The following CMPK2 variants were observed in gnomAD, a reference collection of about 807,000 sequenced individuals.
CMPK2 encodes the protein cytidine/uridine monophosphate kinase 2, also known as UMP-CMP kinase 2, mitochondrial.
A neutral mutation model predicts 33.4 loss-of-function variants in CMPK2; 32 were observed. The observed-to-expected ratio is 0.96, with a 90% CI of 0.72 to 1.29. The LOEUF (loss-of-function observed/expected upper bound fraction) is 1.29. Among genes scored for constraint, CMPK2 ranks in the 50% most tolerant of loss-of-function variants. CMPK2 has a pLI of 0.00. For missense variants in CMPK2, 672 were observed against 616.0 expected (o/e 1.09, Z -0.96); for synonymous variants, 299 against 275.3 (o/e 1.09, Z -0.85).
In CMPK2 at chr2:6,849,390, T is replaced by C. The variant is rs890252591; in HGVS notation, c.*460A>G. The C allele has an allele frequency of 1.0e-6, 1 of 988,368 alleles. No homozygotes were observed. The highest frequency in any genetic ancestry group is 1.2e-6 in the Non-Finnish European group (1 of 832,114). The allele number at this position is 988,368 out of a possible 1,614,324, so 61.2% of individuals were successfully genotyped here. A position where few individuals can be genotyped will look rare whatever the true frequency, so the allele number is the denominator to read the frequency against. On this transcript the variant is annotated 3_prime_UTR_variant, in exon 5 of 5. Transcript: ENST00000256722. The stretch of plus-strand genomic sequence containing the variant: ...TGAGGGAGATGCAGCGAGCCCATCA[T>C]GACGAGTGCAACCAGATGTGGAAGA...
chr2:6,854,487 G>A (rs1336626552), intron 3 of CMPK2, among the ~76,000 whole-genome samples: 2 of 152,162 alleles, frequency 1.3e-5, no homozygotes, highest in Non-Finnish European at 2.9e-5. Flanking sequence ...CTGACAAGGT[G>A]ATACAGCATT....
At chr2:6,851,978 G>C (rs1400418258) in intron 3 of CMPK2, among the ~76,000 whole-genome samples, 1 of 152,172 alleles carries the variant, frequency 6.6e-6, no homozygotes, top group African/African-American at 2.4e-5. Context: ...TGGTCCTGCT[G>C]TCCGCATTCC....
downstream of CMPK2, among the ~76,000 whole-genome samples, chr2:6,846,068 G>A (rs144661318): frequency 1.4e-3 from 217 of 152,310 alleles, 1 homozygote; most frequent in African/African-American, 5.1e-3. Context: ...GCAGAGGGAT[G>A]ATAAGGCTCC....
downstream of CMPK2, among the ~76,000 whole-genome samples, chr2:6,845,930 G>A (rs1662348848): frequency 6.6e-6 from 1 of 152,040 alleles, no homozygotes; most frequent in Admixed American, 6.5e-5. Context: ...TGTCTTATCA[G>A]GATGGCTACC....
rs368661424 is a variant in CMPK2, at chr2:6,848,960, G to A, written c.*890C>T. On this transcript the variant is annotated 3_prime_UTR_variant, in exon 5 of 5. Transcript: ENST00000256722. ...ATACACAACAAACATTGCATTTAGC[G>A]TTTTGACTCCACTTTTAATTAATGA... The A allele has an allele frequency of 1.3e-4, 126 of 985,700 alleles. No homozygotes were observed. The East Asian group carries it at 1.9e-3, about 15-fold the overall frequency. The allele number at this position is 985,700 out of a possible 1,614,324, so 61.1% of individuals were successfully genotyped here. A position where few individuals can be genotyped will look rare whatever the true frequency, so the allele number is the denominator to read the frequency against.
intron 3 of CMPK2, among the ~76,000 whole-genome samples, chr2:6,856,975 G>A (rs1281021296): frequency 6.6e-6 from 1 of 152,218 alleles, no homozygotes; most frequent in Non-Finnish European, 1.5e-5. Context: ...ACTTTTGTGA[G>A]TGTTTCTTCA....
Position 6,865,032 on chromosome 2 carries a change from ACGGCCCGGGCGGCTTCC to A in CMPK2, c.648_664del (p.Glu217PhefsTer10). 1 of 1,427,566 alleles carries A rather than the reference ACGGCCCGGGCGGCTTCC, an allele frequency of 7.0e-7. No individual in the cohort carries two copies. Among genetic ancestry groups the A allele is most frequent in the South Asian group, 1.5e-5 (1 of 65,900 alleles). The allele number at this position is 1,427,566 out of a possible 1,614,324, so 88.4% of individuals were successfully genotyped here. On this transcript the variant is annotated frameshift_variant, in exon 1 of 5. Transcript: ENST00000256722. LOFTEE classifies it high-confidence loss of function. ...GGACAGAACTCTTACCTCCTCCAAA[ACGGCCCGGGCGGCTTCC>A]CGGTCCGGGAAGACCACGGAACTGG...
Position 6,865,561 on chromosome 2 carries a change from C to A in CMPK2, c.136G>T (p.Ala46Ser). Residue 46 changes from alanine to serine, a missense_variant, in exon 1 of 5, where the codon GCC becomes TCC. Physicochemically the swap from Ala to Ser is moderately conservative, Grantham distance 99. Coordinates refer to ENST00000256722, the MANE Select transcript of CMPK2 (RefSeq NM_207315.4). ...ELPDCTLAHF[A>S]LGADAPGDAD... is the part of the protein sequence containing the mutation. ...TCGCCGGGGGCGTCGGCGCCTAGGG[C>A]GAAGTGAGCCAGGGTGCAGTCGGGA... is the stretch of plus-strand genomic sequence containing the variant. 7.4e-7 allele frequency: 1 copy of A among 1,344,738 alleles called. No individual in the cohort carries two copies. Among genetic ancestry groups the A allele is most frequent in the Non-Finnish European group, 9.5e-7 (1 of 1,049,244 alleles). 83.3% of individuals were successfully genotyped at this position (1,344,738 alleles called of 1,614,324 possible). A position where few individuals can be genotyped will look rare whatever the true frequency, so the allele number is the denominator to read the frequency against.
chr2:6,849,375 G>T lies in CMPK2; in HGVS notation c.*475C>A. On this transcript the variant is annotated 3_prime_UTR_variant, in exon 5 of 5. Transcript: ENST00000256722. ...TCTAGAATTTGGGACTGAGGGAGAT[G>T]CAGCGAGCCCATCATGACGAGTGCA... 2.0e-6 allele frequency: 2 copies of T among 986,766 alleles called. No individual in the cohort carries two copies. Among genetic ancestry groups the T allele is most frequent in the Non-Finnish European group, 2.4e-6 (2 of 830,914 alleles). 61.1% of individuals were successfully genotyped at this position (986,766 alleles called of 1,614,324 possible).
Position 6,865,481 on chromosome 2 carries a change from G to T in CMPK2, c.216C>A (p.Ser72Arg). 1 of 1,271,446 alleles carries T rather than the reference G, an allele frequency of 7.9e-7. No homozygotes were observed. Among genetic ancestry groups the T allele is most frequent in the Non-Finnish European group, 9.9e-7 (1 of 1,013,608 alleles). The allele number at this position is 1,271,446 out of a possible 1,614,324, so 78.8% of individuals were successfully genotyped here. ...GGGTCACGGGCACGCACAGCGAGTAGCTGCGCTCCGGGGGCCCCAGCAGCG... is the reference window on the plus strand; with the variant it reads ...GGGTCACGGGCACGCACAGCGAGTATCTGCGCTCCGGGGGCCCCAGCAGCG... The part of the protein sequence containing the change: ...LAALLGPPER[S>R]YSLCVPVTPD... The change falls in exon 1 of 5, where the codon AGC becomes AGA. Residue 72 changes from serine to arginine, a missense_variant. By Grantham distance (110) the Ser-to-Arg change is moderately radical. Coordinates refer to ENST00000256722, the MANE Select transcript of CMPK2 (RefSeq NM_207315.4).
intron 3 of CMPK2, among the ~76,000 whole-genome samples, chr2:6,841,818 C>T (rs1558318417): frequency 6.6e-6 from 1 of 152,148 alleles, no homozygotes; most frequent in Non-Finnish European, 1.5e-5. Flanking sequence ...ATCATTGCCA[C>T]TTCCTGCAGA....
intron 3 of CMPK2, among the ~76,000 whole-genome samples, chr2:6,855,802 C>G (rs1333722914): frequency 6.6e-6 from 1 of 152,198 alleles, no homozygotes; most frequent in African/African-American, 2.4e-5. Flanking sequence ...TCCCCCACCA[C>G]ACACTTTATT....
intron 1 of CMPK2, chr2:6,864,418 G>A (rs1253951265): frequency 6.6e-6 from 1 of 152,218 alleles, no homozygotes; most frequent in Non-Finnish European, 1.5e-5. Flanking sequence ...GGGCTCATCT[G>A]TGTCACAGGA....
Position 6,849,425 on chromosome 2 carries a change from G to A in CMPK2, c.*425C>T. ...AACCAGATGTGGAAGAAGCCAATGT[G>A]GGCATGTCACGATCTCATCAGCATG... On this transcript the variant is annotated 3_prime_UTR_variant, in exon 5 of 5. Transcript: ENST00000256722. The A allele has an allele frequency of 1.0e-6, 1 of 994,394 alleles. No homozygotes were observed. Among genetic ancestry groups the A allele is most frequent in the Non-Finnish European group, 1.2e-6 (1 of 835,964 alleles). The allele number at this position is 994,394 out of a possible 1,614,324, so 61.6% of individuals were successfully genotyped here.
Position 6,842,187 on chromosome 2 carries a change from CTGCATAGGTT to C in CMPK2, c.993-1519_993-1510del, listed in dbSNP as rs1662251318. 2.6e-5 allele frequency among the ~76,000 whole-genome samples: 4 copies of C among 152,160 alleles called. No individual in the cohort carries two copies. In the South Asian group the frequency reaches 6.2e-4, roughly 24 times the overall value. On this transcript the variant is annotated intron_variant, in intron 3 of 3. Coordinates refer to the CMPK2 transcript ENST00000458098. The stretch of plus-strand genomic sequence containing the variant: ...GGAGTTTCCTGGATGTCCTCTCTGG[CTGCATAGGTT>C]TGCATCACTATTTTTTCACAATCAT...
chr2:6,856,907 CTGTTGA>C (rs1329749660), intron 3 of CMPK2, among the ~76,000 whole-genome samples: 1 of 152,156 alleles, frequency 6.6e-6, no homozygotes, highest in African/African-American at 2.4e-5. Flanking sequence ...ATGCTTTCTC[CTGTTGA>C]TGGGCTTTAG....
chr2:6,853,879 G>A (rs911409940), intron 3 of CMPK2, among the ~76,000 whole-genome samples: 1 of 152,024 alleles, frequency 6.6e-6, no homozygotes, highest in Non-Finnish European at 1.5e-5. Context: ...TCCAGCCTGG[G>A]CAACAGAGCG....
Position 6,848,772 on chromosome 2 carries a change from A to C in CMPK2, c.*1078T>G. ...CTACTCCCTAAAGTCACACAGCTCTATAATTTCCCCCTCACTCAGCTACTT... is the reference window on the plus strand; with the variant it reads ...CTACTCCCTAAAGTCACACAGCTCTCTAATTTCCCCCTCACTCAGCTACTT... On this transcript the variant is annotated 3_prime_UTR_variant, in exon 5 of 5. Coordinates refer to ENST00000256722, the MANE Select transcript of CMPK2 (RefSeq NM_207315.4). The C allele has an allele frequency of 1.0e-6, 1 of 985,148 alleles. No homozygotes were observed. The highest frequency in any genetic ancestry group is 1.2e-6 in the Non-Finnish European group (1 of 829,258). 61.0% of individuals were successfully genotyped at this position (985,148 alleles called of 1,614,324 possible).
At chr2:6,841,440 C>T (rs933035686) in intron 3 of CMPK2, among the ~76,000 whole-genome samples, 4 of 152,180 alleles carry the variant, frequency 2.6e-5, no homozygotes, top group Admixed American at 6.5e-5. Context: ...ATTTGTTTGA[C>T]TGTTTTTGGT....
Sources: gnomAD v4.1 joint callset for allele counts (sites outside exome capture counted in the v4.1 genomes callset) on GRCh38, gnomAD v4.1.1 for gene constraint, MANE v1.5 for transcripts, NCBI Gene and HGNC (gene_info 2026-07-23, HGNC 2026-07-21) for gene names.